SMC1B: variants seen among roughly 807,000 people sequenced by gnomAD.
The protein encoded by SMC1B is structural maintenance of chromosomes 1B.
A neutral mutation model predicts 157.9 loss-of-function variants in SMC1B; 60 were observed. That is an observed-to-expected ratio of 0.38 (90% CI 0.31 to 0.47). The LOEUF (loss-of-function observed/expected upper bound fraction) is 0.47, where lower values mean the gene tolerates loss of function less well. Ranked by LOEUF, SMC1B falls within the 20% of genes least tolerant of loss-of-function variation. The pLI is 0.99. For missense variants in SMC1B, 1,165 were observed against 1,426.2 expected (o/e 0.82, Z 2.95); for synonymous variants, 445 against 483.0 (o/e 0.92, Z 1.03).
At chr22:45,362,194 TG>T (rs1376894794) in intron 16 of SMC1B, among the ~76,000 whole-genome samples, 1 of 152,234 alleles carries the variant, frequency 6.6e-6, no homozygotes, top group Admixed American at 6.5e-5. Flanking sequence ...ATTTTGTTTT[TG>T]TTTTTTTGTC....
At chr22:45,363,637 C>T (rs1337543526) in intron 15 of SMC1B, among the ~76,000 whole-genome samples, 2 of 152,018 alleles carry the variant, frequency 1.3e-5, no homozygotes, top group Non-Finnish European at 2.9e-5. Flanking sequence ...GATCACACCA[C>T]TGCACTCCAG....
intron 15 of SMC1B, among the ~76,000 whole-genome samples, chr22:45,368,665 C>T (rs2086799260): frequency 6.6e-6 from 1 of 151,898 alleles, no homozygotes; most frequent in African/African-American, 2.4e-5. Flanking sequence ...TACAGGCACC[C>T]ACCACCACGC....
chr22:45,351,349 T>C (rs1015008113), intron 22 of SMC1B, among the ~76,000 whole-genome samples: 1 of 152,238 alleles, frequency 6.6e-6, no homozygotes, highest in African/African-American at 2.4e-5. Context: ...ACTAAATGGA[T>C]GTGGGTGCCA....
In SMC1B at chr22:45,386,854, C is replaced by A; in HGVS notation, c.1911+13G>T. The A allele has an allele frequency of 6.2e-7, 1 of 1,609,994 alleles. No individual in the cohort carries two copies. The highest frequency in any genetic ancestry group is 1.1e-5 in the South Asian group (1 of 90,726). ...AACTTATCCAAAGGTGTGATCCAAG[C>A]CTCTTTTCTTACTTTCTGTCTTTCA... is the stretch of plus-strand genomic sequence containing the variant. On this transcript the variant is annotated intron_variant, in intron 11 of 24. Coordinates refer to ENST00000357450, the MANE Select transcript of SMC1B (RefSeq NM_148674.5).
At chr22:45,372,443 A>G (rs1308773175) in intron 12 of SMC1B, 151 bp from the exon 13 acceptor site, 8 of 639,608 alleles carry the variant, frequency 1.3e-5, no homozygotes, top group African/African-American at 1.9e-5. Context: ...TGGGCAATTA[A>G]GTACATTAGT....
chr22:45,356,162 ATT>A (rs11358892), intron 19 of SMC1B, among the ~76,000 whole-genome samples: 2 of 151,868 alleles, frequency 1.3e-5, no homozygotes, highest in African/African-American at 2.4e-5. Flanking sequence ...TCTGTTCTCC[ATT>A]TTTTTTTTGT....
chr22:45,388,990 A>AAAG (rs2087024191), intron 10 of SMC1B, among the ~76,000 whole-genome samples: 1 of 145,286 alleles, frequency 6.9e-6, no homozygotes, highest in African/African-American at 2.7e-5. Flanking sequence ...CTGCCTCAAA[A>AAAG]AAAAAAAAAA....
At chr22:45,391,254 T>G (rs1256386851) in intron 9 of SMC1B, among the ~76,000 whole-genome samples, 2 of 152,200 alleles carry the variant, frequency 1.3e-5, no homozygotes, top group Non-Finnish European at 2.9e-5. Context: ...TCTATGTTAT[T>G]TATTACTTAC....
At chr22:45,406,181 A>C (rs2087257237) in intron 4 of SMC1B, among the ~76,000 whole-genome samples, 1 of 152,210 alleles carries the variant, frequency 6.6e-6, no homozygotes, top group South Asian at 2.1e-4. Context: ...TAATATCCAA[A>C]CATCTGAGAG....
Position 45,361,997 on chromosome 22 carries a change from G to GA in SMC1B, c.2563-14dup. The stretch of plus-strand genomic sequence containing the variant: ...AGTTTTCTTCAGCCTGAACAGAGAG[G>GA]ATCTGCATTGTAGATTTACTATCTT... On this transcript the variant is annotated splice_polypyrimidine_tract_variant and intron_variant, in intron 16 of 24. Transcript: ENST00000357450. 1 of 1,605,924 alleles carries GA rather than the reference G, an allele frequency of 6.2e-7. No homozygotes were observed. The highest frequency in any genetic ancestry group is 8.5e-7 in the Non-Finnish European group (1 of 1,177,558).
chr22:45,350,989 G>A (rs939029250), intron 22 of SMC1B, among the ~76,000 whole-genome samples: 1 of 152,112 alleles, frequency 6.6e-6, no homozygotes, highest in Non-Finnish European at 1.5e-5. Context: ...TGTTGCTGAT[G>A]TCTAAGAATA....
intron 11 of SMC1B, among the ~76,000 whole-genome samples, chr22:45,384,403 A>G (rs1388082635): frequency 6.6e-6 from 1 of 152,034 alleles, no homozygotes; most frequent in East Asian, 1.9e-4. Flanking sequence ...TTTTTGTCAT[A>G]TTGGAAAAGG....
At chr22:45,368,923 G>A (rs2086802048) in intron 15 of SMC1B, among the ~76,000 whole-genome samples, 2 of 152,052 alleles carry the variant, frequency 1.3e-5, no homozygotes, top group Admixed American at 1.3e-4. Flanking sequence ...ATCTGTACCT[G>A]GTGTATTTGG....
chr22:45,349,187 G>T (rs570541454), intron 23 of SMC1B, among the ~76,000 whole-genome samples: 48 of 149,086 alleles, frequency 3.2e-4, no homozygotes, highest in African/African-American at 1.1e-3. Flanking sequence ...GCTAATTTTT[G>T]TATTTTTAGT....
chr22:45,377,991 A>G, intron 12 of SMC1B, among the ~76,000 whole-genome samples: 1 of 152,036 alleles, frequency 6.6e-6, no homozygotes, highest in East Asian at 1.9e-4. Context: ...GGTGCATGCC[A>G]CCACTCCTGG....
At chr22:45,376,489 T>G (rs1043786722) in intron 12 of SMC1B, among the ~76,000 whole-genome samples, 1 of 152,228 alleles carries the variant, frequency 6.6e-6, no homozygotes, top group South Asian at 2.1e-4. Context: ...AATGCTGCTA[T>G]GAACATGGGT....
chr22:45,388,180 T>A (rs1308984500), intron 10 of SMC1B, among the ~76,000 whole-genome samples: 1 of 152,180 alleles, frequency 6.6e-6, no homozygotes, highest in Non-Finnish European at 1.5e-5. Context: ...ACCCAGCAAG[T>A]ATGATCTCAC....
intron 21 of SMC1B, among the ~76,000 whole-genome samples, chr22:45,353,462 T>C (rs2086635307): frequency 6.6e-6 from 1 of 152,112 alleles, no homozygotes; most frequent in Admixed American, 6.6e-5. Context: ...TCACATTCAA[T>C]TCCACAAGTA....
intron 9 of SMC1B, among the ~76,000 whole-genome samples, chr22:45,391,275 T>C (rs959058717): frequency 2.0e-5 from 3 of 152,216 alleles, no homozygotes; most frequent in Admixed American, 1.3e-4. Flanking sequence ...ATGCTAACTA[T>C]AATTATTCAG....
Sources: gnomAD v4.1 joint callset for allele counts (sites outside exome capture counted in the v4.1 genomes callset) on GRCh38, gnomAD v4.1.1 for gene constraint, MANE v1.5 for transcripts, NCBI Gene and HGNC (gene_info 2026-07-23, HGNC 2026-07-21) for gene names.